MEST: variants seen among roughly 807,000 people sequenced by gnomAD.
MEST encodes mesoderm specific transcript, also known as mesoderm-specific transcript homolog protein.
MEST carries 18 observed loss-of-function variants against 50.9 expected under a neutral mutation model. The observed-to-expected ratio is 0.35, with a 90% CI of 0.24 to 0.52. The LOEUF is 0.52. Among genes scored for constraint, MEST ranks in the 20% least tolerant of loss-of-function variants. The pLI, the probability that MEST is intolerant of heterozygous loss-of-function variation, is 0.94. For missense variants in MEST, 282 were observed against 425.3 expected, an observed-to-expected ratio of 0.66 and a Z score of 2.96; for synonymous variants, 130 against 154.1, an observed-to-expected ratio of 0.84 and a Z score of 1.16.
chr7:130,494,077 A>C (rs537868202), intron 1 of MEST, among the ~76,000 whole-genome samples: 1 of 152,372 alleles, frequency 6.6e-6, no homozygotes, highest in African/African-American at 2.4e-5. Context: ...TGGGGAGCTG[A>C]CATTGTTTAA....
chr7:130,498,446 T>G lies in MEST; in HGVS notation c.504T>G (p.Leu168=), dbSNP rs1554437746. 1 of 1,614,192 alleles carries G rather than the reference T, an allele frequency of 6.2e-7. No individual in the cohort carries two copies. ...ACAAGCAGAATCGATCTGGTCGGCT[T>G]ACCATAAAGAGTCTCTGTCTGTCAA... ...YRYKQNRSGR[L]TIKSLCLSNG... The change falls in exon 6 of 12, where the codon CTT becomes CTG. Residue 168 remains leucine (L), a synonymous_variant. Transcript: ENST00000223215.
At chr7:130,503,579 T>C (rs1008633) in intron 10 of MEST, among the ~76,000 whole-genome samples, 109,883 of 152,110 alleles carry the variant, frequency 0.72, 40,806 homozygotes, top group Non-Finnish European at 0.82. Context: ...GAGGCTGAGG[T>C]GGGAGGACTG....
rs1180121570 is a variant in MEST, at chr7:130,502,825, T to C, written c.826+105T>C. 4.2e-6 allele frequency: 3 copies of C among 712,582 alleles called. No individual in the cohort carries two copies. The East Asian group carries it at 9.4e-5, about 22-fold the overall frequency. 44.1% of individuals were successfully genotyped at this position (712,582 alleles called of 1,614,324 possible). On this transcript the variant is annotated intron_variant, in intron 10 of 11. Coordinates refer to ENST00000223215, the MANE Select transcript of MEST (RefSeq NM_002402.4). Reference sequence around the variant, plus strand: ...TTACCAGATTTAGCAAATAAAAATATAAGATACCCAGTTAAATTTGAATTT... The same window carrying C: ...TTACCAGATTTAGCAAATAAAAATACAAGATACCCAGTTAAATTTGAATTT...
intron 1 of MEST, chr7:130,486,942 G>A (rs999306156): frequency 2.6e-5 from 4 of 153,486 alleles, no homozygotes; most frequent in African/African-American, 9.7e-5. Flanking sequence ...CCAGGGCGGA[G>A]AGCGGCAGTG....
intron 11 of MEST, 97 bp downstream of exon 11, chr7:130,504,093 T>C: frequency 1.1e-6 from 1 of 892,088 alleles, no homozygotes; most frequent in Middle Eastern, 2.2e-4. Flanking sequence ...CTAGCCATTG[T>C]CTTTAACCTC....
At chr7:130,501,795 C>T (rs1447882237) in intron 9 of MEST, among the ~76,000 whole-genome samples, 1 of 152,036 alleles carries the variant, frequency 6.6e-6, no homozygotes, top group Non-Finnish European at 1.5e-5. Context: ...CATATGAGGT[C>T]AGGAGTTTAG....
At chr7:130,494,423 A>G (rs1479290530) in intron 1 of MEST, 1 of 152,150 alleles carries the variant, frequency 6.6e-6, no homozygotes, top group Non-Finnish European at 1.5e-5. Flanking sequence ...AACGGTTTAT[A>G]ATTCCTGTTT....
chr7:130,495,636 C>G (rs766522448), intron 2 of MEST, 114 bp downstream of exon 2: 5 of 1,091,308 alleles, frequency 4.6e-6, no homozygotes, highest in Non-Finnish European at 5.2e-6. Flanking sequence ...AGGAGAGTAT[C>G]TCTCTCTCTT....
chr7:130,497,867 T>G lies in MEST; in HGVS notation c.262-69T>G. The G allele has an allele frequency of 7.1e-7, 1 of 1,416,142 alleles. No individual in the cohort carries two copies. The highest frequency in any genetic ancestry group is 2.3e-5 in the East Asian group (1 of 43,912). 87.7% of individuals were successfully genotyped at this position (1,416,142 alleles called of 1,614,324 possible). A position where few individuals can be genotyped will look rare whatever the true frequency, so the allele number is the denominator to read the frequency against. On this transcript the variant is annotated intron_variant, in intron 3 of 11. Coordinates refer to ENST00000223215, the MANE Select transcript of MEST (RefSeq NM_002402.4). The surrounding 1 kb of genome is among the most constrained non-coding windows in gnomAD (Gnocchi z 4.0). Reference sequence around the variant, plus strand: ...AGCCAAGATAGGGCTGAAGCTCCTGTGCAACTGTAGGTCTGGTGAAAGGGA... The same window carrying G: ...AGCCAAGATAGGGCTGAAGCTCCTGGGCAACTGTAGGTCTGGTGAAAGGGA...
chr7:130,492,174 G>C lies in MEST; in HGVS notation c.-140G>C, dbSNP rs1175725058. On this transcript the variant is annotated 5_prime_UTR_variant, in exon 1 of 12. Coordinates refer to ENST00000223215, the MANE Select transcript of MEST (RefSeq NM_002402.4). This position sits in a 1 kb window ranked among gnomAD's most constrained non-coding sequence, Gnocchi z 7.6. ...CGCAGCGCACGCCGGAGTGGCTGTA[G>C]CTGCCCGGCGCGGCGCCGCCCTGCG... is the stretch of plus-strand genomic sequence containing the variant. 1.8e-5 allele frequency: 10 copies of C among 543,502 alleles called. 1 individual carries two copies. 33.7% of individuals were successfully genotyped at this position (543,502 alleles called of 1,614,324 possible).
chr7:130,491,206 C>T (rs1188780100), upstream of MEST: 2 of 152,346 alleles, frequency 1.3e-5, no homozygotes, highest in Non-Finnish European at 2.9e-5. This position sits in a 1 kb window ranked among gnomAD's most constrained non-coding sequence, Gnocchi z 6.8. Context: ...CTCCCTCTTT[C>T]TTGTGCCTCT....
chr7:130,504,180 A>G (rs1554439257), intron 11 of MEST, among the ~76,000 whole-genome samples, 184 bp downstream of exon 11: 1 of 152,260 alleles, frequency 6.6e-6, no homozygotes, highest in Non-Finnish European at 1.5e-5. Context: ...GTATCAAGAC[A>G]TTCAGTTATA....
At chr7:130,493,005 G>C (rs773284487) in intron 1 of MEST, among the ~76,000 whole-genome samples, 1 of 152,114 alleles carries the variant, frequency 6.6e-6, no homozygotes, top group African/African-American at 2.4e-5. Flanking sequence ...CGCACCTTAG[G>C]ATTTCAAGAA....
chr7:130,497,250 C>A lies in MEST; in HGVS notation c.261+15C>A, dbSNP rs1554437268. On this transcript the variant is annotated intron_variant, in intron 3 of 11. Transcript: ENST00000223215. The surrounding 1 kb of genome is among the most constrained non-coding windows in gnomAD (Gnocchi z 4.0). ...ACTGGTACAAGGTAATGAAGTCAGA[C>A]TTCTACGTCCTACTATGTCTTAAAA... 6.2e-7 allele frequency: 1 copy of A among 1,604,904 alleles called. No individual in the cohort carries two copies. Among genetic ancestry groups the A allele is most frequent in the Admixed American group, 1.7e-5 (1 of 58,920 alleles).
intron 6 of MEST, among the ~76,000 whole-genome samples, chr7:130,499,187 C>T (rs1259048392): frequency 6.6e-6 from 1 of 151,938 alleles, no homozygotes; most frequent in Non-Finnish European, 1.5e-5. Context: ...AATACCGAAC[C>T]CCTGATTAGA....
At chr7:130,502,623 G>T (rs782680480) in intron 9 of MEST, 21 bp from the exon 10 acceptor site, 4 of 1,600,248 alleles carry the variant, frequency 2.5e-6, no homozygotes, top group Non-Finnish European at 3.4e-6. Flanking sequence ...TTCTGCACAT[G>T]CTGACTTACC....
At position 130,495,447 on chromosome 7, in the gene MEST, C is replaced by T; in HGVS notation, c.106C>T (p.Leu36Phe). 6.2e-7 allele frequency: 1 copy of T among 1,614,066 alleles called. No individual in the cohort carries two copies. Among genetic ancestry groups the T allele is most frequent in the East Asian group, 2.2e-5 (1 of 44,864 alleles). The change falls in exon 2 of 12, where the codon CTC becomes TTC. Residue 36 changes from leucine (L) to phenylalanine (F), a missense_variant. By Grantham distance (22) the Leu-to-Phe change is conservative. Transcript: ENST00000223215. Reference sequence around the variant, plus strand: ...GTACCTGCACATCCCACCCCCTCAGCTCTCCCCTGCCCTTCACTCATGGAA... The same window carrying T: ...GTACCTGCACATCCCACCCCCTCAGTTCTCCCCTGCCCTTCACTCATGGAA... ...AAYLHIPPPQ[L>F]SPALHSWKSS...
In MEST at chr7:130,500,708, G is replaced by A. The variant is rs1434039797; in HGVS notation, c.648-81G>A. ...TGGGTCAGACTGCATGGCCCAGACT[G>A]CATGGCCTCTGAGGTTCCAGCCATA... On this transcript the variant is annotated intron_variant, in intron 8 of 11. Coordinates refer to ENST00000223215, the MANE Select transcript of MEST (RefSeq NM_002402.4). The surrounding 1 kb of genome is among the most constrained non-coding windows in gnomAD (Gnocchi z 5.0). 25 of 1,290,468 alleles carry A rather than the reference G, an allele frequency of 1.9e-5. No individual in the cohort carries two copies. Among genetic ancestry groups the A allele is most frequent in the Non-Finnish European group, 2.7e-5 (25 of 918,834 alleles). The allele number at this position is 1,290,468 out of a possible 1,614,324, so 79.9% of individuals were successfully genotyped here.
chr7:130,496,963 T>C (rs1799084859), intron 2 of MEST, 193 bp from the exon 3 acceptor site: 2 of 416,100 alleles, frequency 4.8e-6, no homozygotes, highest in East Asian at 4.0e-5. Context: ...TGTTTTAATA[T>C]ACAGATTGAA....
Sources: gnomAD v4.1 joint callset for allele counts (sites outside exome capture counted in the v4.1 genomes callset) on GRCh38, gnomAD v4.1.1 for gene constraint, Gnocchi (gnomAD v3.1) non-coding constraint, MANE v1.5 for transcripts, NCBI Gene and HGNC (gene_info 2026-07-23, HGNC 2026-07-21) for gene names.